UNC79: variants seen among roughly 807,000 people sequenced by gnomAD.
The protein encoded by UNC79 is unc-79 subunit of NALCN channel complex.
A neutral mutation model predicts 283.1 loss-of-function variants in UNC79; 37 were observed. The observed-to-expected ratio is 0.13, with a 90% CI of 0.10 to 0.17. UNC79 has a LOEUF of 0.17. Among genes scored for constraint, UNC79 ranks in the 10% least tolerant of loss-of-function variants. UNC79 has a pLI of 1.00. For synonymous variants in UNC79, 1,107 were observed against 1,200.2 expected, an observed-to-expected ratio of 0.92 and a Z score of 1.61; for missense variants, 2,272 against 3,211.1, an observed-to-expected ratio of 0.71 and a Z score of 7.07.
intron 33 of UNC79, among the ~76,000 whole-genome samples, 154 bp from the exon 37 acceptor site, chr14:93,643,403 A>G (rs960359203): frequency 1.3e-5 from 2 of 152,170 alleles, no homozygotes; most frequent in Non-Finnish European, 2.9e-5. Flanking sequence ...TGATGGCAGC[A>G]CTGGAATCCT....
chr14:93,640,267 G>A (rs1035911136), intron 32 of UNC79, among the ~76,000 whole-genome samples: 3 of 152,178 alleles, frequency 2.0e-5, no homozygotes, highest in African/African-American at 7.2e-5. Context: ...TCGATTGGCT[G>A]ACGTGGAATG....
chr14:93,572,891 A>G, intron 16 of UNC79, 75 bp downstream of exon 16: 1 of 1,556,756 alleles, frequency 6.4e-7, no homozygotes, highest in Non-Finnish European at 8.7e-7. Context: ...GGATCGAGAG[A>G]GTGGGAGTTA....
chr14:93,338,680 G>T (rs1409879754), intron 1 of UNC79, among the ~76,000 whole-genome samples: 2 of 152,194 alleles, frequency 1.3e-5, no homozygotes, highest in Non-Finnish European at 2.9e-5. Flanking sequence ...GCCCAGGTGG[G>T]TGGATCTCTT....
At chr14:93,651,558 CT>C (rs2070257402) in intron 35 of UNC79, among the ~76,000 whole-genome samples, 1 of 152,058 alleles carries the variant, frequency 6.6e-6, no homozygotes, top group African/African-American at 2.4e-5. Context: ...AAAATTTCAA[CT>C]TTTTGTTGCT....
intron 7 of UNC79, among the ~76,000 whole-genome samples, chr14:93,519,148 T>G (rs1405975421): frequency 2.0e-5 from 3 of 151,900 alleles, no homozygotes; most frequent in African/African-American, 7.2e-5. Flanking sequence ...TCAGTTATGC[T>G]TCTTTCAATT....
At chr14:93,436,013 T>C (rs1566934174) in intron 1 of UNC79, among the ~76,000 whole-genome samples, 1 of 152,226 alleles carries the variant, frequency 6.6e-6, no homozygotes, top group Non-Finnish European at 1.5e-5. Context: ...GTTGCCTTAA[T>C]TTACTTTGTG....
intron 20 of UNC79, among the ~76,000 whole-genome samples, chr14:93,583,752 C>T (rs2063996497): frequency 6.6e-6 from 1 of 151,380 alleles, no homozygotes; most frequent in South Asian, 2.1e-4. Flanking sequence ...AGGCTCCCCA[C>T]CTTGCTTCTG....
At chr14:93,616,912 T>C (rs1345049958) in intron 27 of UNC79, among the ~76,000 whole-genome samples, 2 of 152,230 alleles carry the variant, frequency 1.3e-5, no homozygotes, top group Non-Finnish European at 1.5e-5. Context: ...ATTAAAACTA[T>C]TTTCATTTAC....
intron 14 of UNC79, among the ~76,000 whole-genome samples, chr14:93,556,730 A>C (rs1310178931): frequency 2.0e-5 from 3 of 152,086 alleles, no homozygotes; most frequent in African/African-American, 7.2e-5. Flanking sequence ...AACAAGATCC[A>C]AGAAGAGAAA....
chr14:93,484,333 A>G (rs1376929307), intron 4 of UNC79, among the ~76,000 whole-genome samples: 1 of 152,260 alleles, frequency 6.6e-6, no homozygotes, highest in Non-Finnish European at 1.5e-5. Context: ...TATGAAATCA[A>G]GTGACTTGGC....
chr14:93,643,471 C>T (rs1436536706), intron 33 of UNC79, 86 bp from the exon 37 acceptor site: 3 of 1,603,124 alleles, frequency 1.9e-6, no homozygotes, highest in Non-Finnish European at 2.6e-6. Flanking sequence ...CCAAGACCTA[C>T]TAAAAACAGC....
At chr14:93,627,589 G>A (rs1362123025) in intron 30 of UNC79, among the ~76,000 whole-genome samples, 1 of 152,172 alleles carries the variant, frequency 6.6e-6, no homozygotes, top group Non-Finnish European at 1.5e-5. Flanking sequence ...GTGTTGCACA[G>A]GCACTTTCCA....
At chr14:93,346,674 AGTGTGCTATAAACTCTGCCAATGCCAGG>A in intron 1 of UNC79, among the ~76,000 whole-genome samples, 1 of 152,316 alleles carries the variant, frequency 6.6e-6, no homozygotes, top group South Asian at 2.1e-4. Context: ...CATTAGAAAC[AGTGTGCTATAAACTCTGCCAATGCCAGG>A]GCATGTTAAG....
chr14:93,511,169 A>G (rs2059805617), intron 7 of UNC79, among the ~76,000 whole-genome samples: 1 of 152,144 alleles, frequency 6.6e-6, no homozygotes. Flanking sequence ...TATTATGAGA[A>G]CAGCAAAGGG....
chr14:93,516,457 G>GA (rs1263301613), intron 7 of UNC79, among the ~76,000 whole-genome samples: 1 of 117,466 alleles, frequency 8.5e-6, no homozygotes, highest in Non-Finnish European at 1.7e-5. Flanking sequence ...TTTTGGGGGG[G>GA]GGGGTGGGGG....
chr14:93,465,897 C>T (rs1311040260), intron 1 of UNC79, among the ~76,000 whole-genome samples: 2 of 152,062 alleles, frequency 1.3e-5, no homozygotes, highest in African/African-American at 4.8e-5. Flanking sequence ...CATGTGCTGG[C>T]CTAGCATATA....
intron 33 of UNC79, among the ~76,000 whole-genome samples, chr14:93,642,424 CAA>C (rs5810634): frequency 0.047 from 4,945 of 106,068 alleles, 214 homozygotes; most frequent in East Asian, 0.32. Context: ...GACTCCATCT[CAA>C]AAAAAAAAAA....
intron 1 of UNC79, chr14:93,348,216 C>G (rs763244800): frequency 8.3e-5 from 61 of 738,388 alleles, no homozygotes; most frequent in Non-Finnish European, 1.4e-4. Context: ...TGAGTTGATG[C>G]AACCATTGTG....
chr14:93,450,300 G>A (rs974879213), intron 1 of UNC79, among the ~76,000 whole-genome samples: 6 of 152,184 alleles, frequency 3.9e-5, no homozygotes, highest in African/African-American at 1.4e-4. Flanking sequence ...GTGGAGGAGA[G>A]TAGGAACTTT....
Sources: allele counts gnomAD v4.1 joint callset (sites outside exome capture counted in the v4.1 genomes callset), GRCh38; gene constraint gnomAD v4.1.1; transcripts MANE v1.5; gene names NCBI Gene and HGNC (gene_info 2026-07-23, HGNC 2026-07-21).